The following GMDS variants were observed in gnomAD, a reference collection of about 807,000 sequenced individuals.
GMDS encodes GDP-mannose 4,6 dehydratase.
A neutral mutation model predicts 49.9 loss-of-function variants in GMDS; 20 were observed. The observed-to-expected ratio is 0.40, with a 90% confidence interval of 0.28 to 0.58. The LOEUF (loss-of-function observed/expected upper bound fraction) is 0.58. GMDS is among the 20% of genes least tolerant of loss of function. GMDS has a pLI of 0.42. For missense variants in GMDS, 362 were observed against 481.4 expected (o/e 0.75, Z 2.32); for synonymous variants, 177 against 178.6 (o/e 0.99, Z 0.07).
chr6:1,836,503 G>A lies in GMDS; in HGVS notation c.771+93600C>T, dbSNP rs1000966252. ...GTTGCTAGATAAAGACATTTTTAGA[G>A]TTTCACTGAATCTGCAAAGTGCTGG... On this transcript the variant is annotated intron_variant, in intron 7 of 10. Coordinates refer to ENST00000380815, the MANE Select transcript of GMDS (RefSeq NM_001500.4). This position sits in a 1 kb window ranked among gnomAD's most constrained non-coding sequence, Gnocchi z 4.2. Among the ~76,000 whole-genome samples, 3 of 152,222 alleles carry A rather than the reference G, an allele frequency of 2.0e-5. No homozygotes were observed. The highest frequency in any genetic ancestry group is 2.1e-4 in the South Asian group (1 of 4,834).
Position 1,839,149 on chromosome 6 carries a change from C to T in GMDS, c.771+90954G>A, listed in dbSNP as rs550710583. ...TTAATCACAGAGAAAATTTTCAGCT[C>T]AGAAAAAAAAAAAGTGAGCATGTCT... On this transcript the variant is annotated intron_variant, in intron 7 of 10. Coordinates refer to ENST00000380815, the MANE Select transcript of GMDS (RefSeq NM_001500.4). 3.3e-5 allele frequency among the ~76,000 whole-genome samples: 5 copies of T among 149,652 alleles called. No individual in the cohort carries two copies. The East Asian group carries it at 9.7e-4, about 29-fold the overall frequency.
At chr6:1,937,493 A>G (rs1478218487) in intron 6 of GMDS, among the ~76,000 whole-genome samples, 22 of 152,194 alleles carry the variant, frequency 1.4e-4, no homozygotes, top group Non-Finnish European at 2.6e-4. Flanking sequence ...TTCCTGTCTC[A>G]CAGCTCTGGA....
chr6:1,666,053 GACA>G lies in GMDS; in HGVS notation c.988-41516_988-41514del, dbSNP rs529129475. On this transcript the variant is annotated intron_variant, in intron 9 of 10. Transcript: ENST00000380815. ...CCAAGTGGGTCATCAGCAGAGGAGT[GACA>G]ACGACACTTCCATTCATGTAGGGCT... is the stretch of plus-strand genomic sequence containing the variant. 2.6e-4 allele frequency among the ~76,000 whole-genome samples: 40 copies of G among 152,292 alleles called. 1 individual carries two copies. The East Asian group carries it at 6.6e-3, about 25-fold the overall frequency.
At chr6:1,767,883 A>G (rs1215147472) in intron 7 of GMDS, among the ~76,000 whole-genome samples, 2 of 151,998 alleles carry the variant, frequency 1.3e-5, no homozygotes, top group Non-Finnish European at 2.9e-5. Context: ...ATCCCAGTTA[A>G]TCCCGGCTCT....
At chr6:1,813,291 AAT>A (rs1770522850) in intron 7 of GMDS, among the ~76,000 whole-genome samples, 1 of 151,696 alleles carries the variant, frequency 6.6e-6, no homozygotes, top group Non-Finnish European at 1.5e-5. Context: ...ATTAAGAATC[AAT>A]ATGTTTTCAA....
At chr6:1,770,666 T>C (rs985456232) in intron 7 of GMDS, among the ~76,000 whole-genome samples, 3 of 152,220 alleles carry the variant, frequency 2.0e-5, no homozygotes, top group African/African-American at 7.2e-5. Flanking sequence ...TGCTTTCCTG[T>C]TTTGAGAGCC....
intron 7 of GMDS, among the ~76,000 whole-genome samples, chr6:1,829,993 A>G (rs1204104311): frequency 2.0e-5 from 3 of 152,140 alleles, no homozygotes; most frequent in African/African-American, 7.2e-5. Context: ...TCTTACATAG[A>G]GCTGTAATCA....
chr6:2,064,282 T>A (rs1001810093), intron 4 of GMDS, among the ~76,000 whole-genome samples: 10 of 152,200 alleles, frequency 6.6e-5, no homozygotes, highest in African/African-American at 1.7e-4. Flanking sequence ...AAATTATACA[T>A]GTAATTACTA....
chr6:1,777,099 C>G (rs551769215), intron 7 of GMDS, among the ~76,000 whole-genome samples: 1 of 152,344 alleles, frequency 6.6e-6, no homozygotes, highest in South Asian at 2.1e-4. Context: ...GATAATAAAG[C>G]CCCTCACTGA....
rs1358903030 is a variant in GMDS, at chr6:1,778,053, G to C, written c.772-35467C>G. ...CAAAGAAGCATTTGTAAGCTCAGGG[G>C]TGCACGCATTAAAAAAAGAAGCTGA... is the stretch of plus-strand genomic sequence containing the variant. On this transcript the variant is annotated intron_variant, in intron 7 of 10. Transcript: ENST00000380815. The surrounding 1 kb of genome is among the most constrained non-coding windows in gnomAD (Gnocchi z 4.6). 6.6e-6 allele frequency among the ~76,000 whole-genome samples: 1 copy of C among 152,078 alleles called. No homozygotes were observed. Among genetic ancestry groups the C allele is most frequent in the East Asian group, 1.9e-4 (1 of 5,190 alleles).
At chr6:2,074,176 T>A (rs1021992916) in intron 4 of GMDS, among the ~76,000 whole-genome samples, 1 of 152,182 alleles carries the variant, frequency 6.6e-6, no homozygotes, top group Non-Finnish European at 1.5e-5. Flanking sequence ...CTTGCCAACA[T>A]CTGCTATTTT....
rs1767107229 is a variant in GMDS, at chr6:1,738,058, CACAT to C, written c.890+4406_890+4409del. Reference sequence around the variant, plus strand: ...ACACACACACACCACATACACCACACACATACACACATACCACACACACACCACA... The same window carrying C: ...ACACACACACACCACATACACCACACACACACATACCACACACACACCACA... On this transcript the variant is annotated intron_variant, in intron 8 of 10. Transcript: ENST00000380815. Among the ~76,000 whole-genome samples the C allele has an allele frequency of 2.7e-5, 4 of 147,098 alleles. No homozygotes were observed. In the South Asian group the frequency reaches 8.8e-4, roughly 33 times the overall value.
chr6:1,748,688 T>C (rs910480425), intron 7 of GMDS, among the ~76,000 whole-genome samples: 2 of 152,220 alleles, frequency 1.3e-5, no homozygotes, highest in Non-Finnish European at 2.9e-5. Flanking sequence ...AAAACAGCCA[T>C]GGACAAAATG....
At chr6:1,831,598 GAA>G (rs1222637310) in intron 7 of GMDS, among the ~76,000 whole-genome samples, 1 of 152,194 alleles carries the variant, frequency 6.6e-6, no homozygotes, top group Non-Finnish European at 1.5e-5. Context: ...GGCGATAGAA[GAA>G]AGTTTTTTAT....
chr6:2,027,935 C>A (rs80306953), intron 4 of GMDS, among the ~76,000 whole-genome samples: 2,819 of 152,180 alleles, frequency 0.019, 105 homozygotes, highest in African/African-American at 0.063. Context: ...TGTTCTTCTA[C>A]ACTTTTGGAC....
At chr6:2,012,702 G>A (rs866033420) in intron 4 of GMDS, among the ~76,000 whole-genome samples, 7 of 151,986 alleles carry the variant, frequency 4.6e-5, no homozygotes, top group Non-Finnish European at 7.4e-5. Context: ...AGGAGAAACC[G>A]CCAGGAAAAT....
chr6:1,911,813 G>C (rs1229216192), intron 7 of GMDS, among the ~76,000 whole-genome samples: 6 of 152,002 alleles, frequency 3.9e-5, no homozygotes, highest in African/African-American at 1.5e-4. Context: ...AATTAAAAAT[G>C]AGCATTCCCT....
At chr6:2,138,283 T>TA (rs1168833950) in intron 1 of GMDS, among the ~76,000 whole-genome samples, 1 of 152,244 alleles carries the variant, frequency 6.6e-6, no homozygotes, top group Non-Finnish European at 1.5e-5. Flanking sequence ...ATGTAGTCTA[T>TA]AGGCAACTGT....
chr6:1,688,632 A>G (rs1765066533), intron 9 of GMDS, among the ~76,000 whole-genome samples: 1 of 152,242 alleles, frequency 6.6e-6, no homozygotes, highest in Non-Finnish European at 1.5e-5. Flanking sequence ...AGCCAAAAAG[A>G]AAGAATTTGC....
Sources: allele counts gnomAD v4.1 joint callset (sites outside exome capture counted in the v4.1 genomes callset), GRCh38; gene constraint gnomAD v4.1.1; non-coding constraint Gnocchi (gnomAD v3.1); transcripts MANE v1.5; gene names NCBI Gene and HGNC (gene_info 2026-07-23, HGNC 2026-07-21).